ITGA8: variants seen among roughly 807,000 people sequenced by gnomAD.
The protein encoded by ITGA8 is integrin subunit alpha 8, also known as integrin alpha-8.
In ITGA8, 91 loss-of-function variants were observed where a neutral mutation model predicts 142.3. That is an observed-to-expected ratio of 0.64 (90% CI 0.54 to 0.76). The LOEUF (loss-of-function observed/expected upper bound fraction) is 0.76, where lower values mean the gene tolerates loss of function less well. ITGA8 is among the 30% of genes least tolerant of loss of function. The pLI is 0.00. For synonymous variants in ITGA8, 505 were observed against 485.2 expected, an observed-to-expected ratio of 1.04 and a Z score of -0.54; for missense variants, 1,406 against 1,327.7, an observed-to-expected ratio of 1.06 and a Z score of -0.92.
Position 15,634,753 on chromosome 10 carries a change from A to AATCATGG in ITGA8, c.1399+9270_1399+9276dup, listed in dbSNP as rs1451698232. 2.0e-5 allele frequency among the ~76,000 whole-genome samples: 3 copies of AATCATGG among 152,310 alleles called. No individual in the cohort carries two copies. In the East Asian group the frequency reaches 5.8e-4, roughly 29 times the overall value. On this transcript the variant is annotated intron_variant, in intron 13 of 29. Coordinates refer to ENST00000378076, the MANE Select transcript of ITGA8 (RefSeq NM_003638.3). ...AAATGCAACATGGGATCCCAGATTG[A>AATCATGG]ATCATGGGACTAGAAATAAGAACTG...
chr10:15,694,964 G>A (rs139101964), intron 2 of ITGA8, among the ~76,000 whole-genome samples: 78 of 152,052 alleles, frequency 5.1e-4, no homozygotes, highest in African/African-American at 1.7e-3. Context: ...GGAGATCGCA[G>A]AAGGACTTCA....
At chr10:15,576,502 C>T (rs922977534) in intron 23 of ITGA8, among the ~76,000 whole-genome samples, 5 of 152,158 alleles carry the variant, frequency 3.3e-5, no homozygotes, top group South Asian at 2.1e-4. Context: ...TAAAAGAATT[C>T]GTAGACTTTC....
At chr10:15,700,644 G>A (rs973467255) in intron 2 of ITGA8, among the ~76,000 whole-genome samples, 5 of 152,166 alleles carry the variant, frequency 3.3e-5, no homozygotes, top group African/African-American at 1.2e-4. Context: ...CACAGAGCGG[G>A]AGAAAATCTT....
intron 20 of ITGA8, among the ~76,000 whole-genome samples, chr10:15,601,933 C>G (rs1476554835): frequency 6.6e-6 from 1 of 152,178 alleles, no homozygotes; most frequent in Non-Finnish European, 1.5e-5. Context: ...AATTCAAAGA[C>G]TGAGTGAAGT....
In ITGA8 at chr10:15,672,715, A is replaced by G; in HGVS notation, c.711T>C (p.Ile237=). ...QVITASVADI[I]ANYSFKDILR... ...GGATATCCTTGAATGAGTAATTTGC[A>G]ATGATATCTGCAACACTGGCAGTGA... The change falls in exon 7 of 30, where the codon ATT becomes ATC. Residue 237 remains isoleucine, a synonymous_variant. Coordinates refer to ENST00000378076, the MANE Select transcript of ITGA8 (RefSeq NM_003638.3). 1 of 1,613,488 alleles carries G rather than the reference A, an allele frequency of 6.2e-7. No homozygotes were observed. Among genetic ancestry groups the G allele is most frequent in the Non-Finnish European group, 8.5e-7 (1 of 1,179,714 alleles).
intron 26 of ITGA8, among the ~76,000 whole-genome samples, chr10:15,557,271 TC>T (rs1833903627): frequency 6.6e-6 from 1 of 152,100 alleles, no homozygotes; most frequent in Admixed American, 6.6e-5. Context: ...CCCCAGCTAC[TC>T]GGGAGACTGA....
At chr10:15,686,497 G>C (rs1309136227) in intron 3 of ITGA8, among the ~76,000 whole-genome samples, 1 of 152,194 alleles carries the variant, frequency 6.6e-6, no homozygotes, top group Non-Finnish European at 1.5e-5. Context: ...GTGTTTGCCT[G>C]ATATTAGCTC....
chr10:15,538,512 G>GGAAAA (rs774937360), intron 27 of ITGA8, among the ~76,000 whole-genome samples: 1 of 98,532 alleles, frequency 1.0e-5, no homozygotes, highest in African/African-American at 4.7e-5. Context: ...ACTCCGTCTC[G>GGAAAA]AAAAAAAAAA....
chr10:15,600,124 ATTATAC>A (rs1354913663), intron 20 of ITGA8, among the ~76,000 whole-genome samples: 1 of 152,148 alleles, frequency 6.6e-6, no homozygotes, highest in Non-Finnish European at 1.5e-5. Context: ...TAAAATTACT[ATTATAC>A]TTTAAGTTCT....
chr10:15,623,368 T>G (rs975493031), intron 13 of ITGA8, among the ~76,000 whole-genome samples: 3 of 152,068 alleles, frequency 2.0e-5, no homozygotes, highest in African/African-American at 7.2e-5. Context: ...GCTGTTTTTA[T>G]TCTCTCCTTA....
chr10:15,682,724 G>T (rs1834760086), intron 4 of ITGA8, among the ~76,000 whole-genome samples: 1 of 152,134 alleles, frequency 6.6e-6, no homozygotes, highest in Admixed American at 6.5e-5. Context: ...GGTGGCACAT[G>T]CCTGTGGCCC....
chr10:15,616,552 A>G lies in ITGA8; in HGVS notation c.1407T>C (p.Ile469=). ...CTTTTCCTGTTCCAAATGCACCCACAATCAAATCTTAAAAAGACAAAAACA... is the reference window on the plus strand; with the variant it reads ...CTTTTCCTGTTCCAAATGCACCCACGATCAAATCTTAAAAAGACAAAAACA... ...DIDKNDYPDL[I]VGAFGTGKVA... The change falls in exon 14 of 30, where the codon ATT becomes ATC. Residue 469 remains isoleucine (I), a synonymous_variant. Coordinates refer to ENST00000378076, the MANE Select transcript of ITGA8 (RefSeq NM_003638.3). 1 of 1,612,228 alleles carries G rather than the reference A, an allele frequency of 6.2e-7. No homozygotes were observed. The highest frequency in any genetic ancestry group is 1.1e-5 in the South Asian group (1 of 91,074).
chr10:15,694,803 G>C (rs1164261157), intron 2 of ITGA8, among the ~76,000 whole-genome samples: 1 of 149,944 alleles, frequency 6.7e-6, no homozygotes, highest in Admixed American at 6.7e-5. Flanking sequence ...GTTGTTAGTA[G>C]TGACTTGTGG....
chr10:15,671,151 G>A (rs535925235), intron 8 of ITGA8, among the ~76,000 whole-genome samples: 21 of 152,294 alleles, frequency 1.4e-4, no homozygotes, highest in East Asian at 3.9e-4. Context: ...ATAGGGATTC[G>A]TTTGTTTTGT....
intron 14 of ITGA8, 103 bp from the exon 15 acceptor site, chr10:15,613,870 T>C: frequency 5.3e-6 from 4 of 753,676 alleles, no homozygotes; most frequent in Admixed American, 2.4e-5. Flanking sequence ...GACAGAATAC[T>C]CCACAGGCCA....
At chr10:15,611,934 A>C (rs752714192) in intron 15 of ITGA8, among the ~76,000 whole-genome samples, 4 of 152,190 alleles carry the variant, frequency 2.6e-5, no homozygotes, top group Non-Finnish European at 5.9e-5. Context: ...GCTTAAAGGA[A>C]TTCAGCCTAG....
In ITGA8 at chr10:15,525,645, C is replaced by CAAAA. The variant is rs374326483; in HGVS notation, c.2982+5401_2982+5404dup. Among the ~76,000 whole-genome samples the CAAAA allele has an allele frequency of 3.3e-3, 208 of 62,970 alleles. 1 individual carries two copies. Among genetic ancestry groups the CAAAA allele is most frequent in the East Asian group, 4.5e-3 (8 of 1,778 alleles). The allele number at this position is 62,970 out of a possible 152,430, so 41.3% of individuals were successfully genotyped here. On this transcript the variant is annotated intron_variant, in intron 28 of 29. Coordinates refer to ENST00000378076, the MANE Select transcript of ITGA8 (RefSeq NM_003638.3). The stretch of plus-strand genomic sequence containing the variant: ...GGGTGACAGGAGCGAAACTCCATCT[C>CAAAA]AAAAAAAAAAAAAAAAAAAAAAAGG...
chr10:15,664,062 C>T (rs1834339785), intron 8 of ITGA8, among the ~76,000 whole-genome samples: 1 of 152,122 alleles, frequency 6.6e-6, no homozygotes, highest in South Asian at 2.1e-4. Context: ...AGGCCTTGCA[C>T]TGTTTTATGG....
In ITGA8 at chr10:15,672,715, A is replaced by T. The variant is rs921728346; in HGVS notation, c.711T>A (p.Ile237=). Reference sequence around the variant, plus strand: ...GGATATCCTTGAATGAGTAATTTGCAATGATATCTGCAACACTGGCAGTGA... The same window carrying T: ...GGATATCCTTGAATGAGTAATTTGCTATGATATCTGCAACACTGGCAGTGA... ...QVITASVADI[I]ANYSFKDILR... is the part of the protein sequence containing the mutation. The change falls in exon 7 of 30, where the codon ATT becomes ATA. Residue 237 remains isoleucine (I), a synonymous_variant. Transcript: ENST00000378076. 8.7e-6 allele frequency: 14 copies of T among 1,613,370 alleles called. No individual in the cohort carries two copies. Among genetic ancestry groups the T allele is most frequent in the Non-Finnish European group, 1.2e-5 (14 of 1,179,722 alleles).
Sources: allele counts gnomAD v4.1 joint callset (sites outside exome capture counted in the v4.1 genomes callset), GRCh38; gene constraint gnomAD v4.1.1; transcripts MANE v1.5; gene names NCBI Gene and HGNC (gene_info 2026-07-23, HGNC 2026-07-21).